PLXDC2: variants seen among roughly 807,000 people sequenced by gnomAD.
The protein encoded by PLXDC2 is plexin domain-containing protein 2.
PLXDC2 carries 40 observed loss-of-function variants against 68.9 expected under a neutral mutation model. The ratio of observed to expected loss-of-function variants is 0.58; its 90% confidence interval spans 0.45 to 0.76. The LOEUF is 0.76. PLXDC2 is among the 30% of genes least tolerant of loss of function. The pLI, the probability that PLXDC2 is intolerant of heterozygous loss-of-function variation, is 0.00. For synonymous variants in PLXDC2, 243 were observed against 234.2 expected (o/e 1.04, Z -0.34); for missense variants, 644 against 661.9 (o/e 0.97, Z 0.30).
At chr10:19,989,922 G>A (rs898439352) in intron 1 of PLXDC2, among the ~76,000 whole-genome samples, 4 of 151,700 alleles carry the variant, frequency 2.6e-5, no homozygotes, top group Non-Finnish European at 5.9e-5. Flanking sequence ...GCTAATTTTT[G>A]TATCTTTAGT....
chr10:20,266,133 G>A (rs961135998), intron 13 of PLXDC2, among the ~76,000 whole-genome samples: 3 of 152,126 alleles, frequency 2.0e-5, no homozygotes, highest in Non-Finnish European at 2.9e-5. Context: ...CACATAAGAC[G>A]TTTATTAGAG....
intron 3 of PLXDC2, among the ~76,000 whole-genome samples, chr10:20,060,693 TCTCTGGC>T (rs1408380358): frequency 6.6e-6 from 1 of 152,058 alleles, no homozygotes; most frequent in East Asian, 1.9e-4. Flanking sequence ...CTCTTTTGTG[TCTCTGGC>T]CTCATGTGTC....
At chr10:19,928,660 G>A (rs1833578958) in intron 1 of PLXDC2, among the ~76,000 whole-genome samples, 1 of 151,994 alleles carries the variant, frequency 6.6e-6, no homozygotes, top group African/African-American at 2.4e-5. Flanking sequence ...TTGAGAGAAA[G>A]GAGAGTAGAC....
At chr10:19,999,092 G>C (rs1589577748) in intron 1 of PLXDC2, among the ~76,000 whole-genome samples, 1 of 152,158 alleles carries the variant, frequency 6.6e-6, no homozygotes, top group Non-Finnish European at 1.5e-5. Context: ...AAATAGGAAA[G>C]CGAATTTGAG....
Position 20,284,448 on chromosome 10 carries a change from G to C in PLXDC2, c.*4629G>C, listed in dbSNP as rs1836125603. ...GTGTGTGTGTGTGTGTGTTAGCCAA[G>C]TGTGGTTTCTCATGCCTGTAGTCCC... is the stretch of plus-strand genomic sequence containing the variant. On this transcript the variant is annotated 3_prime_UTR_variant, in exon 14 of 14. Coordinates refer to ENST00000377252, the MANE Select transcript of PLXDC2 (RefSeq NM_032812.9). 7.4e-6 allele frequency: 1 copy of C among 134,870 alleles called. No homozygotes were observed. Among genetic ancestry groups the C allele is most frequent in the Admixed American group, 7.7e-5 (1 of 13,070 alleles). The allele number at this position is 134,870 out of a possible 1,614,324, so 8.4% of individuals were successfully genotyped here.
At chr10:20,117,357 C>G (rs1364558527) in intron 4 of PLXDC2, among the ~76,000 whole-genome samples, 1 of 152,146 alleles carries the variant, frequency 6.6e-6, no homozygotes, top group Non-Finnish European at 1.5e-5. Flanking sequence ...CGACTTATAA[C>G]TCCAATGCAA....
At chr10:20,044,094 C>CTCTT (rs1554761374) in intron 2 of PLXDC2, among the ~76,000 whole-genome samples, 1 of 32,826 alleles carries the variant, frequency 3.0e-5, no homozygotes, top group Non-Finnish European at 8.3e-5. Flanking sequence ...TGGCTTTTTC[C>CTCTT]CCTTCCTTCC....
chr10:20,193,923 A>G (rs1384026479), intron 9 of PLXDC2, among the ~76,000 whole-genome samples: 1 of 151,998 alleles, frequency 6.6e-6, no homozygotes, highest in East Asian at 1.9e-4. Context: ...GCAAGGAAAT[A>G]GGGAAGAACA....
chr10:19,976,407 G>T (rs555099001), intron 1 of PLXDC2, among the ~76,000 whole-genome samples: 2 of 152,172 alleles, frequency 1.3e-5, no homozygotes, highest in South Asian at 4.2e-4. Context: ...TAGAGATAGG[G>T]TTTCACTCTG....
intron 12 of PLXDC2, among the ~76,000 whole-genome samples, chr10:20,227,092 A>G (rs948975066): frequency 2.0e-5 from 3 of 152,104 alleles, no homozygotes; most frequent in African/African-American, 7.2e-5. Context: ...TATGTATGTC[A>G]CTAAAACATC....
intron 1 of PLXDC2, among the ~76,000 whole-genome samples, chr10:19,915,614 C>G (rs1833351572): frequency 6.6e-6 from 1 of 152,124 alleles, no homozygotes; most frequent in African/African-American, 2.4e-5. Context: ...TTTTCTCTCT[C>G]TGAAGAACTT....
At chr10:20,112,971 A>G (rs1218515191) in intron 4 of PLXDC2, among the ~76,000 whole-genome samples, 1 of 152,214 alleles carries the variant, frequency 6.6e-6, no homozygotes, top group Non-Finnish European at 1.5e-5. Context: ...TTCATGGAAG[A>G]GTAGTTTGCC....
intron 3 of PLXDC2, among the ~76,000 whole-genome samples, chr10:20,047,710 C>G (rs894182896): frequency 2.0e-5 from 3 of 152,074 alleles, no homozygotes; most frequent in Non-Finnish European, 4.4e-5. Context: ...CCTGAATGCT[C>G]AAATGCATTA....
Position 20,190,140 on chromosome 10 carries a change from G to A in PLXDC2, c.1061+12731G>A, listed in dbSNP as rs117808198. On this transcript the variant is annotated intron_variant, in intron 9 of 13. Transcript: ENST00000377252. ...TCAAGATGATCCAAGTAATGTTAAA[G>A]TTTTGTTTATATGTTAACCAACTTT... Among the ~76,000 whole-genome samples, 345 of 152,016 alleles carry A rather than the reference G, an allele frequency of 2.3e-3. 1 individual carries two copies. Among genetic ancestry groups the A allele is most frequent in the Non-Finnish European group, 3.6e-3 (244 of 67,898 alleles).
intron 10 of PLXDC2, 88 bp from the exon 11 acceptor site, chr10:20,217,338 G>T (rs2131863360): frequency 8.4e-7 from 1 of 1,197,464 alleles, no homozygotes; most frequent in Non-Finnish European, 1.1e-6. Context: ...AGAGGCTTTT[G>T]TGCTTTACAG....
chr10:20,248,211 G>C (rs1835626076), intron 13 of PLXDC2, among the ~76,000 whole-genome samples: 5 of 152,116 alleles, frequency 3.3e-5, no homozygotes, highest in Admixed American at 1.3e-4. Flanking sequence ...AGTTAAAGCT[G>C]GTTCAAAGGA....
At chr10:20,144,550 C>G (rs1305668411) in intron 5 of PLXDC2, among the ~76,000 whole-genome samples, 1 of 152,142 alleles carries the variant, frequency 6.6e-6, no homozygotes, top group East Asian at 1.9e-4. Flanking sequence ...AATGATTCAT[C>G]TCTGTTATTT....
At chr10:20,231,831 C>T (rs1835368740) in intron 12 of PLXDC2, among the ~76,000 whole-genome samples, 1 of 151,936 alleles carries the variant, frequency 6.6e-6, no homozygotes, top group Admixed American at 6.6e-5. Context: ...GACTGGCTAA[C>T]ATAGCGAGAC....
chr10:20,015,381 T>A (rs12761788), intron 2 of PLXDC2, among the ~76,000 whole-genome samples: 9,956 of 152,282 alleles, frequency 0.065, 391 homozygotes, highest in Middle Eastern at 0.13. Context: ...TGTGAGTTTG[T>A]GTATGTTTGT....
Sources: gnomAD v4.1 joint callset for allele counts (sites outside exome capture counted in the v4.1 genomes callset) on GRCh38, gnomAD v4.1.1 for gene constraint, MANE v1.5 for transcripts, NCBI Gene and HGNC (gene_info 2026-07-23, HGNC 2026-07-21) for gene names.